TTLL11: variants seen among roughly 807,000 people sequenced by gnomAD.
The protein encoded by TTLL11 is tubulin tyrosine ligase like 11, also known as tubulin polyglutamylase TTLL11.
In TTLL11, 42 loss-of-function variants were observed where a neutral mutation model predicts 51.7. That is an observed-to-expected ratio of 0.81 (90% CI 0.64 to 1.05). The LOEUF is 1.05. Among genes scored for constraint, TTLL11 ranks in the 50% least tolerant of loss-of-function variants. The pLI is 0.00. For synonymous variants in TTLL11, 381 were observed against 383.5 expected, an observed-to-expected ratio of 0.99 and a Z score of 0.08; for missense variants, 799 against 940.4, an observed-to-expected ratio of 0.85 and a Z score of 1.97.
chr9:121,965,132 T>TA (rs1375881592), intron 6 of TTLL11, among the ~76,000 whole-genome samples: 1 of 152,250 alleles, frequency 6.6e-6, no homozygotes, highest in African/African-American at 2.4e-5. Context: ...CAGACTTTTT[T>TA]ATTTATGTAA....
At chr9:122,083,428 C>A (rs1321717687) in intron 1 of TTLL11, among the ~76,000 whole-genome samples, 4 of 152,168 alleles carry the variant, frequency 2.6e-5, no homozygotes, top group Admixed American at 6.5e-5. Context: ...AAAGCATGGG[C>A]AAGAAATAAA....
chr9:121,831,821 C>T (rs889241614), intron 8 of TTLL11, among the ~76,000 whole-genome samples: 1 of 152,146 alleles, frequency 6.6e-6, no homozygotes, highest in African/African-American at 2.4e-5. Context: ...ACTGTTCACT[C>T]TCTGCTCCTG....
chr9:121,963,470 C>A (rs891830219), intron 6 of TTLL11: 1 of 152,232 alleles, frequency 6.6e-6, no homozygotes, highest in Non-Finnish European at 1.5e-5. Flanking sequence ...TTTGCTACCT[C>A]ATCACTACCT....
At chr9:122,090,776 T>C (rs142711110) in intron 1 of TTLL11, among the ~76,000 whole-genome samples, 1 of 152,094 alleles carries the variant, frequency 6.6e-6, no homozygotes, top group East Asian at 1.9e-4. Flanking sequence ...AAACAAGCAA[T>C]ACATAATATA....
At chr9:121,893,821 T>G (rs1293320653) in intron 6 of TTLL11, among the ~76,000 whole-genome samples, 1 of 152,336 alleles carries the variant, frequency 6.6e-6, no homozygotes, top group Admixed American at 6.5e-5. Flanking sequence ...TGTCAGAAAC[T>G]GGAGGGAATC....
At chr9:121,849,534 A>G (rs1043224334) in intron 8 of TTLL11, among the ~76,000 whole-genome samples, 2 of 152,200 alleles carry the variant, frequency 1.3e-5, no homozygotes, top group Non-Finnish European at 2.9e-5. Context: ...CAAAATATAC[A>G]AAGAATTCTT....
intron 3 of TTLL11, among the ~76,000 whole-genome samples, chr9:122,000,010 TA>T (rs1237431393): frequency 1.3e-5 from 2 of 152,180 alleles, no homozygotes; most frequent in Non-Finnish European, 1.5e-5. Context: ...CTTAGAGTAT[TA>T]ATACATCTTA....
intron 7 of TTLL11, among the ~76,000 whole-genome samples, chr9:121,865,309 T>G (rs927606614): frequency 2.6e-5 from 4 of 150,978 alleles, no homozygotes; most frequent in Non-Finnish European, 5.9e-5. Flanking sequence ...TAAAAGGGAG[T>G]GGAAGGGGAA....
chr9:121,886,302 T>C lies in TTLL11; in HGVS notation c.1482-15554A>G, dbSNP rs1839009330. 3.3e-5 allele frequency among the ~76,000 whole-genome samples: 5 copies of C among 152,220 alleles called. No homozygotes were observed. In the South Asian group the frequency reaches 1.0e-3, roughly 32 times the overall value. ...AGTCCTAACCCCTGAAACCTGTGAA[T>C]GTGACCTTTTTTGGAAAAAAAGAGT... On this transcript the variant is annotated intron_variant, in intron 6 of 8. Transcript: ENST00000321582.
At chr9:121,837,000 T>A (rs1837197598) in intron 8 of TTLL11, among the ~76,000 whole-genome samples, 1 of 152,244 alleles carries the variant, frequency 6.6e-6, no homozygotes, top group Admixed American at 6.5e-5. Flanking sequence ...TGTATCCATA[T>A]AATTTTGCAC....
In TTLL11 at chr9:122,059,648, G is replaced by A. The variant is rs1845388497; in HGVS notation, c.463-20280C>T. ...TAACCTGTATTAGCTTTCTATTGCT[G>A]CACAAAAAAATTAATACAAATGTGG... On this transcript the variant is annotated intron_variant, in intron 1 of 8. Transcript: ENST00000321582. 2.6e-5 allele frequency among the ~76,000 whole-genome samples: 4 copies of A among 152,166 alleles called. No individual in the cohort carries two copies. The South Asian group carries it at 8.3e-4, about 32-fold the overall frequency.
intron 1 of TTLL11, among the ~76,000 whole-genome samples, chr9:122,076,364 A>C (rs1027298299): frequency 2.0e-5 from 3 of 152,194 alleles, no homozygotes; most frequent in African/African-American, 7.2e-5. Context: ...GCAAGGCAAG[A>C]ATCAGACTGG....
At chr9:121,997,045 T>G (rs1843290448) in intron 3 of TTLL11, among the ~76,000 whole-genome samples, 1 of 152,084 alleles carries the variant, frequency 6.6e-6, no homozygotes, top group African/African-American at 2.4e-5. Flanking sequence ...GTGCTTCTGC[T>G]CAGAAAACTT....
At chr9:121,851,973 G>C (rs957620010) in intron 8 of TTLL11, among the ~76,000 whole-genome samples, 3 of 152,158 alleles carry the variant, frequency 2.0e-5, no homozygotes, top group Non-Finnish European at 4.4e-5. Flanking sequence ...GAGAATTTGA[G>C]GGCCGGGACG....
At chr9:121,872,095 C>A (rs1838379478) in intron 6 of TTLL11, among the ~76,000 whole-genome samples, 1 of 152,212 alleles carries the variant, frequency 6.6e-6, no homozygotes, top group Non-Finnish European at 1.5e-5. Context: ...TTAATGGTAC[C>A]AAGGCCTGTT....
intron 8 of TTLL11, among the ~76,000 whole-genome samples, chr9:121,841,125 A>T (rs1037936549): frequency 1.3e-5 from 2 of 152,126 alleles, no homozygotes; most frequent in African/African-American, 4.8e-5. Context: ...CAGGCAATCA[A>T]GGCAGGGAGG....
In TTLL11 at chr9:121,885,893, T is replaced by C. The variant is rs557646963; in HGVS notation, c.1482-15145A>G. ...AAAGGCACAGTTCACCACTCCTGCC[T>C]AGTTTTGGTATCTTTAGTAGAGACA... On this transcript the variant is annotated intron_variant, in intron 6 of 8. Transcript: ENST00000321582. 2.0e-5 allele frequency among the ~76,000 whole-genome samples: 3 copies of C among 152,298 alleles called. No homozygotes were observed. In the South Asian group the frequency reaches 6.2e-4, roughly 32 times the overall value.
chr9:121,986,973 A>G (rs1026723790), intron 4 of TTLL11, among the ~76,000 whole-genome samples: 14 of 152,114 alleles, frequency 9.2e-5, no homozygotes, highest in Non-Finnish European at 2.1e-4. Flanking sequence ...GACCCCCACC[A>G]GCATGGGTGG....
At chr9:122,065,082 C>T (rs980310632) in intron 1 of TTLL11, among the ~76,000 whole-genome samples, 1 of 152,012 alleles carries the variant, frequency 6.6e-6, no homozygotes, top group East Asian at 1.9e-4. Flanking sequence ...CGTAAAGGGG[C>T]TTGTTAAAAA....
Sources: gnomAD v4.1 joint callset for allele counts (sites outside exome capture counted in the v4.1 genomes callset) on GRCh38, gnomAD v4.1.1 for gene constraint, MANE v1.5 for transcripts, NCBI Gene and HGNC (gene_info 2026-07-23, HGNC 2026-07-21) for gene names.